Variants in JPH3 observed in about 807,000 individuals in gnomAD.
JPH3 encodes the protein junctophilin-3.
In JPH3, 11 loss-of-function variants were observed where a neutral mutation model predicts 59.6. That is an observed-to-expected ratio of 0.18 (90% CI 0.12 to 0.31). JPH3 has a LOEUF of 0.31. JPH3 is among the 10% of genes least tolerant of loss of function. The probability of loss-of-function intolerance (pLI) is 1.00; values close to 1 mark genes in which losing one functional copy is unlikely to be tolerated. For missense variants in JPH3, 1,202 were observed against 1,105.7 expected (o/e 1.09, Z -1.24); for synonymous variants, 673 against 483.6 (o/e 1.39, Z -5.14).
intron 4 of JPH3, chr16:87,695,622 C>T (rs975075434): frequency 1.8e-5 from 8 of 455,872 alleles, no homozygotes; most frequent in African/African-American, 1.0e-4. Flanking sequence ...TGGGCTGGGG[C>T]CACCGTCCAG....
In JPH3 at chr16:87,690,386, C is replaced by A; in HGVS notation, c.2026C>A (p.Gln676Lys). The A allele has an allele frequency of 6.6e-7, 1 of 1,525,214 alleles. No homozygotes were observed. Among genetic ancestry groups the A allele is most frequent in the South Asian group, 1.3e-5 (1 of 77,248 alleles). 94.5% of individuals were successfully genotyped at this position (1,525,214 alleles called of 1,614,324 possible). Residue 676 changes from glutamine (Q) to lysine (K), a missense_variant, in exon 4 of 5, where the codon CAG (glutamine) becomes AAG (lysine). Gln to Lys is a moderately conservative substitution (Grantham distance 53, BLOSUM62 1). Coordinates refer to ENST00000284262, the MANE Select transcript of JPH3 (RefSeq NM_020655.4). The part of the protein sequence containing the change: ...RPASSAEPAV[Q>K]KLASLRLGGA... ...GGCCTCCTCCGCGGAGCCCGCCGTG[C>A]AGAAACTGGCGAGCCTGCGGCTGGG...
At chr16:87,680,027 G>A (rs1163501252) in intron 2 of JPH3, among the ~76,000 whole-genome samples, 3 of 152,356 alleles carry the variant, frequency 2.0e-5, no homozygotes, top group East Asian at 1.9e-4. Context: ...CTGGGCACCC[G>A]TTGGGGACAG....
chr16:87,641,231 C>G (rs1231299662), intron 1 of JPH3, among the ~76,000 whole-genome samples: 1 of 152,144 alleles, frequency 6.6e-6, no homozygotes, highest in Non-Finnish European at 1.5e-5. Context: ...TCCCTGCTTG[C>G]CCGGCTCTTG....
At chr16:87,603,941 G>GC (rs1270994257) in intron 1 of JPH3, 3 of 343,000 alleles carry the variant, frequency 8.7e-6, no homozygotes, top group Non-Finnish European at 1.2e-5. Flanking sequence ...CTTCGATCAG[G>GC]CCCCAGCTTC....
Position 87,690,210 on chromosome 16 carries a change from C to G in JPH3, c.1850C>G (p.Pro617Arg), listed in dbSNP as rs1256552588. 22 of 1,603,452 alleles carry G rather than the reference C, an allele frequency of 1.4e-5. No homozygotes were observed. Among genetic ancestry groups the G allele is most frequent in the Non-Finnish European group, 1.6e-5 (19 of 1,175,710 alleles). The change falls in exon 4 of 5, where the codon CCC (proline) becomes CGC (arginine). Residue 617 changes from proline to arginine, a missense_variant. Transcript: ENST00000284262. Reference sequence around the variant, plus strand: ...AGCAACTACCGGATGGAGATGAAACCCTTGCTGAGGATGGAGACGCATCCC... The same window carrying G: ...AGCAACTACCGGATGGAGATGAAACGCTTGCTGAGGATGGAGACGCATCCC... ...KLSNYRMEMK[P>R]LLRMETHPQK...
intron 2 of JPH3, among the ~76,000 whole-genome samples, chr16:87,645,529 G>A (rs1338696144): frequency 6.6e-6 from 1 of 152,172 alleles, no homozygotes; most frequent in Non-Finnish European, 1.5e-5. Flanking sequence ...CAGCAGTTGG[G>A]AGGCCAATTC....
intron 2 of JPH3, among the ~76,000 whole-genome samples, chr16:87,670,081 G>A (rs2032975237): frequency 6.6e-6 from 1 of 152,160 alleles, no homozygotes; most frequent in Admixed American, 6.5e-5. Context: ...TGCCCTTGAG[G>A]CAGCTGTTTC....
At chr16:87,653,408 G>A (rs1311768858) in intron 2 of JPH3, among the ~76,000 whole-genome samples, 1 of 152,124 alleles carries the variant, frequency 6.6e-6, no homozygotes, top group Non-Finnish European at 1.5e-5. Context: ...GGCCATGCCT[G>A]GAGCTGAGGG....
chr16:87,626,619 C>G (rs189546027), intron 1 of JPH3, among the ~76,000 whole-genome samples: 140 of 152,376 alleles, frequency 9.2e-4, no homozygotes, highest in African/African-American at 3.2e-3. Context: ...GGCCTCCCTG[C>G]CACGCAGTCC....
chr16:87,659,026 C>T (rs372234643), intron 2 of JPH3, among the ~76,000 whole-genome samples: 29 of 152,324 alleles, frequency 1.9e-4, no homozygotes, highest in Admixed American at 9.8e-4. Context: ...GGGACAGCTG[C>T]GGCGGCCACA....
At chr16:87,669,275 G>A (rs1002118382) in intron 2 of JPH3, among the ~76,000 whole-genome samples, 2 of 152,186 alleles carry the variant, frequency 1.3e-5, no homozygotes, top group African/African-American at 4.8e-5. Flanking sequence ...CTTGCCTGCT[G>A]GGTAGGATGG....
intron 2 of JPH3, chr16:87,654,237 C>T (rs2032418148): frequency 6.6e-6 from 1 of 152,248 alleles, no homozygotes; most frequent in Non-Finnish European, 1.5e-5. Flanking sequence ...AGACTCAGTT[C>T]AGATGCGCCT....
At chr16:87,625,307 G>A (rs998557670) in intron 1 of JPH3, among the ~76,000 whole-genome samples, 1 of 152,182 alleles carries the variant, frequency 6.6e-6, no homozygotes, top group Non-Finnish European at 1.5e-5. Flanking sequence ...GTCGGTGCTG[G>A]GCAGGTGGGT....
intron 1 of JPH3, among the ~76,000 whole-genome samples, chr16:87,609,534 G>A (rs2030656288): frequency 6.6e-6 from 1 of 152,214 alleles, no homozygotes. Flanking sequence ...AAAGTGTTGG[G>A]ATTACAGGTG....
At chr16:87,655,832 C>T (rs1179096040) in intron 2 of JPH3, among the ~76,000 whole-genome samples, 1 of 152,240 alleles carries the variant, frequency 6.6e-6, no homozygotes, top group African/African-American at 2.4e-5. Context: ...TCGTAGGAGG[C>T]TCTGGATTGA....
chr16:87,688,554 A>C (rs2033474696), intron 3 of JPH3, among the ~76,000 whole-genome samples: 1 of 152,044 alleles, frequency 6.6e-6, no homozygotes, highest in Non-Finnish European at 1.5e-5. Context: ...CGAGCGTGAG[A>C]GACTCTAAGA....
At chr16:87,632,778 A>G (rs1489716714) in intron 1 of JPH3, among the ~76,000 whole-genome samples, 1 of 152,158 alleles carries the variant, frequency 6.6e-6, no homozygotes, top group Non-Finnish European at 1.5e-5. Context: ...TTGTAATCCC[A>G]GCTACTCCAG....
intron 1 of JPH3, among the ~76,000 whole-genome samples, chr16:87,621,049 C>G (rs1354340516): frequency 1.3e-5 from 2 of 152,214 alleles, no homozygotes; most frequent in Non-Finnish European, 2.9e-5. Context: ...GTCCCAGCTA[C>G]TCAGGAGGCT....
Position 87,690,424 on chromosome 16 carries a change from C to T in JPH3, c.2064C>T (p.Pro688=). The T allele has an allele frequency of 6.7e-7, 1 of 1,498,700 alleles. No homozygotes were observed. The highest frequency in any genetic ancestry group is 8.9e-7 in the Non-Finnish European group (1 of 1,126,652). The allele number at this position is 1,498,700 out of a possible 1,614,324, so 92.8% of individuals were successfully genotyped here. ...GCCTGCGGCTGGGCGGGGCCGAGCC[C>T]CGGTTGCTGCGTTGGGACTTGACCT... The part of the protein sequence containing the change: ...LASLRLGGAE[P]RLLRWDLTFS... The change falls in exon 4 of 5, where the codon CCC becomes CCT. Residue 688 remains proline, a synonymous_variant. Transcript: ENST00000284262.
Sources: gnomAD v4.1 joint callset for allele counts (sites outside exome capture counted in the v4.1 genomes callset) on GRCh38, gnomAD v4.1.1 for gene constraint, MANE v1.5 for transcripts, NCBI Gene and HGNC (gene_info 2026-07-23, HGNC 2026-07-21) for gene names.